Variants in MTUS2 observed in about 807,000 individuals in gnomAD.
The protein encoded by MTUS2 is microtubule associated scaffold protein 2.
In MTUS2, 40 loss-of-function variants were observed where a neutral mutation model predicts 114.1. That is an observed-to-expected ratio of 0.35 (90% CI 0.27 to 0.46). MTUS2 has a LOEUF of 0.46. Among genes scored for constraint, MTUS2 ranks in the 20% least tolerant of loss-of-function variants. The pLI, the probability that MTUS2 is intolerant of heterozygous loss-of-function variation, is 1.00. For synonymous variants in MTUS2, 688 were observed against 672.0 expected (o/e 1.02, Z -0.37); for missense variants, 1,679 against 1,705.4 (o/e 0.98, Z 0.27).
intron 2 of MTUS2, among the ~76,000 whole-genome samples, chr13:28,883,026 C>T (rs1878383307): frequency 6.6e-6 from 1 of 152,178 alleles, no homozygotes; most frequent in African/African-American, 2.4e-5. Flanking sequence ...GTAGGATATA[C>T]AGATGGCAAA....
chr13:29,312,603 G>C (rs1321364949), intron 6 of MTUS2, among the ~76,000 whole-genome samples: 1 of 152,144 alleles, frequency 6.6e-6, no homozygotes, highest in Non-Finnish European at 1.5e-5. Flanking sequence ...AAATAATCCA[G>C]ATCATTTCTT....
chr13:29,137,642 A>C (rs1892038548), intron 5 of MTUS2, among the ~76,000 whole-genome samples: 1 of 150,428 alleles, frequency 6.6e-6, no homozygotes, highest in Non-Finnish European at 1.5e-5. Context: ...TTTTGAGACA[A>C]GTCTCACCCT....
At chr13:29,073,724 C>T (rs1388871551) in intron 4 of MTUS2, among the ~76,000 whole-genome samples, 6 of 152,112 alleles carry the variant, frequency 3.9e-5, no homozygotes, top group East Asian at 1.9e-4. Context: ...CGGGGAGTAA[C>T]CCTACAGGCT....
intron 2 of MTUS2, among the ~76,000 whole-genome samples, chr13:28,983,151 T>C (rs1884433783): frequency 6.6e-6 from 1 of 152,182 alleles, no homozygotes; most frequent in Non-Finnish European, 1.5e-5. Flanking sequence ...CTCCTTCAGG[T>C]GAGTGTGAAC....
At chr13:29,232,667 TG>T (rs1896380966) in intron 5 of MTUS2, among the ~76,000 whole-genome samples, 1 of 152,252 alleles carries the variant, frequency 6.6e-6, no homozygotes, top group Non-Finnish European at 1.5e-5. Context: ...ATCTACCTTT[TG>T]CTCATTTTTA....
intron 5 of MTUS2, among the ~76,000 whole-genome samples, chr13:29,220,712 C>T (rs1192651016): frequency 3.3e-5 from 5 of 152,218 alleles, no homozygotes; most frequent in Middle Eastern, 3.4e-3. Context: ...CACAGATCAC[C>T]ATAACAGATA....
chr13:29,363,631 G>C (rs1397457128), intron 8 of MTUS2, among the ~76,000 whole-genome samples: 3 of 152,068 alleles, frequency 2.0e-5, no homozygotes, highest in African/African-American at 7.2e-5. Context: ...TTAACATTCT[G>C]CCATATTTGC....
At chr13:29,185,183 G>GC (rs1894170450) in intron 5 of MTUS2, among the ~76,000 whole-genome samples, 1 of 151,950 alleles carries the variant, frequency 6.6e-6, no homozygotes. Flanking sequence ...ATTTGAGCAA[G>GC]CAGAAGAATC....
chr13:29,445,065 T>A (rs56091401), intron 9 of MTUS2, among the ~76,000 whole-genome samples: 16,726 of 152,272 alleles, frequency 0.11, 1,468 homozygotes, highest in African/African-American at 0.25. Context: ...ATCACGACTG[T>A]ATCTTCTAGA....
intron 8 of MTUS2, among the ~76,000 whole-genome samples, chr13:29,407,552 A>G (rs906858644): frequency 1.2e-4 from 18 of 151,738 alleles, no homozygotes; most frequent in African/African-American, 4.1e-4. Flanking sequence ...ATCTTGGCTC[A>G]CTGCAGCCTC....
chr13:28,877,159 CA>C (rs970916273), intron 2 of MTUS2, among the ~76,000 whole-genome samples: 4 of 144,810 alleles, frequency 2.8e-5, no homozygotes, highest in Middle Eastern at 3.5e-3. Context: ...CAAAAAAATA[CA>C]AAAAAAAATT....
intron 11 of MTUS2, 70 bp from the exon 12 acceptor site, chr13:29,492,576 T>A: frequency 7.7e-7 from 1 of 1,303,202 alleles, no homozygotes; most frequent in Non-Finnish European, 1.1e-6. Flanking sequence ...GTCTTAAGTC[T>A]GCCAAAAGAG....
chr13:28,847,966 C>T (rs185406366), intron 2 of MTUS2, among the ~76,000 whole-genome samples: 25 of 152,324 alleles, frequency 1.6e-4, no homozygotes, highest in Admixed American at 1.4e-3. Context: ...TGGCCAGGCT[C>T]AGCCCTCCTG....
chr13:29,117,862 AC>A (rs1891155263), intron 5 of MTUS2, among the ~76,000 whole-genome samples: 1 of 152,258 alleles, frequency 6.6e-6, no homozygotes, highest in African/African-American at 2.4e-5. Flanking sequence ...GTTGGCGCCA[AC>A]ACAGGAGACT....
At chr13:29,249,838 C>A (rs1897062080) in intron 5 of MTUS2, among the ~76,000 whole-genome samples, 1 of 152,104 alleles carries the variant, frequency 6.6e-6, no homozygotes. Flanking sequence ...AAAACTGAAA[C>A]TGGACCCCAT....
chr13:29,099,826 T>C (rs1890333865), intron 4 of MTUS2, among the ~76,000 whole-genome samples: 1 of 152,202 alleles, frequency 6.6e-6, no homozygotes, highest in African/African-American at 2.4e-5. Flanking sequence ...ATTGACAATA[T>C]TGTGATTCTC....
At chr13:28,972,858 G>C (rs1167805977) in intron 2 of MTUS2, among the ~76,000 whole-genome samples, 1 of 152,100 alleles carries the variant, frequency 6.6e-6, no homozygotes, top group Non-Finnish European at 1.5e-5. Flanking sequence ...ATTTGCTGCA[G>C]ACTTTTTAAG....
chr13:29,338,786 A>G (rs1156271618), intron 7 of MTUS2, among the ~76,000 whole-genome samples: 1 of 152,222 alleles, frequency 6.6e-6, no homozygotes, highest in Non-Finnish European at 1.5e-5. Context: ...AAGAACAAAT[A>G]TTTAACTATG....
chr13:29,257,093 C>T (rs1379453192), intron 5 of MTUS2, among the ~76,000 whole-genome samples: 1 of 152,198 alleles, frequency 6.6e-6, no homozygotes, highest in South Asian at 2.1e-4. Context: ...TAGCTGGGAC[C>T]CTTCCTTTGT....
Sources: gnomAD v4.1 joint callset for allele counts (sites outside exome capture counted in the v4.1 genomes callset) on GRCh38, gnomAD v4.1.1 for gene constraint, MANE v1.5 for transcripts, NCBI Gene and HGNC (gene_info 2026-07-23, HGNC 2026-07-21) for gene names.